The following LRCH1 variants were observed in gnomAD, a reference collection of about 807,000 sequenced individuals.
LRCH1 encodes the protein leucine-rich repeat and calponin homology domain-containing protein 1.
In LRCH1, 23 loss-of-function variants were observed where a neutral mutation model predicts 94.9. That is an observed-to-expected ratio of 0.24 (90% CI 0.17 to 0.34). LRCH1 has a LOEUF of 0.34. Among genes scored for constraint, LRCH1 ranks in the 10% least tolerant of loss-of-function variants. The probability of loss-of-function intolerance (pLI) is 1.00; values close to 1 mark genes in which losing one functional copy is unlikely to be tolerated. For missense variants in LRCH1, 790 were observed against 945.9 expected (o/e 0.84, Z 2.16); for synonymous variants, 364 against 354.9 (o/e 1.03, Z -0.29).
chr13:46,666,583 C>T (rs1267727547), intron 2 of LRCH1, among the ~76,000 whole-genome samples: 3 of 152,206 alleles, frequency 2.0e-5, no homozygotes, highest in Non-Finnish European at 4.4e-5. Flanking sequence ...CTTGAAAATA[C>T]TAATCTTTGT....
chr13:46,705,438 A>G (rs1871708612), intron 13 of LRCH1, 134 bp downstream of exon 13: 2 of 884,682 alleles, frequency 2.3e-6, no homozygotes, highest in Non-Finnish European at 1.9e-6. Flanking sequence ...TTTGTTCAGG[A>G]CACATTTTTC....
chr13:46,739,910 C>T (rs1363142928), intron 19 of LRCH1, among the ~76,000 whole-genome samples: 1 of 152,194 alleles, frequency 6.6e-6, no homozygotes, highest in African/African-American at 2.4e-5. Flanking sequence ...CCAAGTTGAT[C>T]TGACTCTAGT....
chr13:46,691,808 G>A (rs943538082), intron 7 of LRCH1, among the ~76,000 whole-genome samples: 6 of 152,162 alleles, frequency 3.9e-5, no homozygotes, highest in African/African-American at 1.4e-4. Flanking sequence ...TCCTGCCTCA[G>A]CCTCCCTTAT....
chr13:46,625,221 T>C (rs1167078475), intron 1 of LRCH1, among the ~76,000 whole-genome samples: 3 of 152,246 alleles, frequency 2.0e-5, no homozygotes, highest in Non-Finnish European at 4.4e-5. Context: ...AGCAGTACCC[T>C]CTTCCATACT....
intron 1 of LRCH1, among the ~76,000 whole-genome samples, chr13:46,602,448 G>A (rs2050638034): frequency 6.6e-6 from 1 of 152,114 alleles, no homozygotes; most frequent in Non-Finnish European, 1.5e-5. Context: ...TCAGCCCCCT[G>A]CTGTTTACTG....
At chr13:46,657,348 C>G (rs143612039) in intron 2 of LRCH1, among the ~76,000 whole-genome samples, 1 of 149,750 alleles carries the variant, frequency 6.7e-6, no homozygotes, top group Admixed American at 6.7e-5. Context: ...GAACACTGCA[C>G]TTTACCAAGT....
chr13:46,615,443 C>T (rs2050796325), intron 1 of LRCH1, among the ~76,000 whole-genome samples: 2 of 152,190 alleles, frequency 1.3e-5, no homozygotes, highest in Admixed American at 1.3e-4. Flanking sequence ...GTCCCTGTGA[C>T]CCAAACGCCT....
intron 1 of LRCH1, among the ~76,000 whole-genome samples, chr13:46,566,499 C>T (rs894003837): frequency 5.3e-5 from 8 of 152,296 alleles, no homozygotes; most frequent in African/African-American, 1.9e-4. Context: ...TCAGAATGTT[C>T]CTCTTTCAGT....
At chr13:46,674,505 A>C (rs562712521) in intron 3 of LRCH1, among the ~76,000 whole-genome samples, 46 of 152,292 alleles carry the variant, frequency 3.0e-4, no homozygotes, top group Admixed American at 2.9e-3. Flanking sequence ...CTCCAGGGTC[A>C]TTTCAGATGG....
At chr13:46,680,110 G>A (rs150696127) in intron 3 of LRCH1, 1 of 152,316 alleles carries the variant, frequency 6.6e-6, no homozygotes, top group East Asian at 1.9e-4. Context: ...GATATTTAAG[G>A]CCTTGATCTC....
chr13:46,725,985 AAAC>A (rs1872796375), intron 17 of LRCH1, among the ~76,000 whole-genome samples: 1 of 152,216 alleles, frequency 6.6e-6, no homozygotes, highest in South Asian at 2.1e-4. Flanking sequence ...GAGTACCTAA[AAAC>A]AATTGTCCAC....
chr13:46,626,667 C>A (rs2050954429), intron 1 of LRCH1, among the ~76,000 whole-genome samples: 1 of 152,226 alleles, frequency 6.6e-6, no homozygotes, highest in African/African-American at 2.4e-5. Flanking sequence ...GTTGCTCACA[C>A]AAAGCCTGTT....
At chr13:46,686,651 T>C (rs1241879148) in intron 5 of LRCH1, among the ~76,000 whole-genome samples, 1 of 152,132 alleles carries the variant, frequency 6.6e-6, no homozygotes, top group Admixed American at 6.6e-5. Flanking sequence ...GAGAAAAACT[T>C]TTGCTTCTGA....
At chr13:46,582,556 C>T (rs115884821) in intron 1 of LRCH1, among the ~76,000 whole-genome samples, 3 of 148,342 alleles carry the variant, frequency 2.0e-5, no homozygotes, top group South Asian at 2.1e-4. Context: ...ACAATCTTAG[C>T]TCACTGTAGC....
At chr13:46,711,700 G>A in intron 13 of LRCH1, 91 bp from the exon 14 acceptor site, 1 of 889,284 alleles carries the variant, frequency 1.1e-6, no homozygotes, top group Non-Finnish European at 1.8e-6. Flanking sequence ...CTATGGACCG[G>A]GGACATGATG....
intron 1 of LRCH1, among the ~76,000 whole-genome samples, chr13:46,648,772 C>G (rs2051255021): frequency 6.6e-6 from 1 of 151,888 alleles, no homozygotes; most frequent in African/African-American, 2.4e-5. Context: ...GGATTTTGCC[C>G]TTTTGCTATT....
chr13:46,696,195 T>TACACACACACACAC (rs10553999), intron 9 of LRCH1, among the ~76,000 whole-genome samples: 1 of 147,094 alleles, frequency 6.8e-6, no homozygotes, highest in Non-Finnish European at 1.5e-5. Flanking sequence ...TGCATGTGTG[T>TACACACACACACAC]ACACACACAC....
intron 1 of LRCH1, among the ~76,000 whole-genome samples, chr13:46,559,908 G>T (rs1186650392): frequency 6.6e-6 from 1 of 152,062 alleles, no homozygotes; most frequent in Non-Finnish European, 1.5e-5. Flanking sequence ...TTACTGTAAT[G>T]AACTGAAATT....
At position 46,742,975 on chromosome 13, in the gene LRCH1, A is replaced by G; in HGVS notation, c.*1127A>G. 1.0e-6 allele frequency: 1 copy of G among 985,438 alleles called. No individual in the cohort carries two copies. The highest frequency in any genetic ancestry group is 4.7e-5 in the South Asian group (1 of 21,290). 61.0% of individuals were successfully genotyped at this position (985,438 alleles called of 1,614,324 possible). On this transcript the variant is annotated 3_prime_UTR_variant, in exon 20 of 20. Transcript: ENST00000389797. ...CTATATCTGCATTTGGAGCAATGTG[A>G]TCAGTTTGCATTTAAAAGGAAAAAA...
Sources: gnomAD v4.1 joint callset for allele counts (sites outside exome capture counted in the v4.1 genomes callset) on GRCh38, gnomAD v4.1.1 for gene constraint, MANE v1.5 for transcripts, NCBI Gene and HGNC (gene_info 2026-07-23, HGNC 2026-07-21) for gene names.